Variants in MSH5 observed in about 807,000 individuals in gnomAD.
MSH5 encodes mutS protein homolog 5.
In MSH5, 78 loss-of-function variants were observed where a neutral mutation model predicts 107.7. The ratio of observed to expected loss-of-function variants is 0.72; its 90% CI spans 0.60 to 0.87. MSH5 has a LOEUF of 0.87. MSH5 is among the 40% of genes least tolerant of loss of function. The pLI is 0.00. For synonymous variants in MSH5, 326 were observed against 399.5 expected, an observed-to-expected ratio of 0.82 and a Z score of 2.19; for missense variants, 889 against 1,046.6, an observed-to-expected ratio of 0.85 and a Z score of 2.08.
intron 10 of MSH5, among the ~76,000 whole-genome samples, chr6:31,750,306 C>T (rs1043524644): frequency 1.3e-5 from 2 of 152,106 alleles, no homozygotes; most frequent in Admixed American, 6.5e-5. Context: ...TGGTGGCTCA[C>T]GCCTATAATC....
chr6:31,761,431 G>A lies in MSH5; in HGVS notation c.2038-41G>A, dbSNP rs1347070174. On this transcript the variant is annotated intron_variant, in intron 21 of 24. Transcript: ENST00000375750. This position sits in a 1 kb window ranked among gnomAD's most constrained non-coding sequence, Gnocchi z 5.3. ...GTGCAAGTGCAGAGGGGCATATGGG[G>A]TCCCCATGGCTCCGAATGCTAACCT... The A allele has an allele frequency of 6.8e-6, 11 of 1,610,844 alleles. No individual in the cohort carries two copies. Among genetic ancestry groups the A allele is most frequent in the Non-Finnish European group, 8.5e-6 (10 of 1,179,122 alleles).
intron 12 of MSH5, among the ~76,000 whole-genome samples, chr6:31,754,765 T>C (rs1401083601): frequency 6.6e-6 from 1 of 150,444 alleles, no homozygotes; most frequent in Non-Finnish European, 1.5e-5. Flanking sequence ...TTTTTTTTTT[T>C]TTTTTGAGAT....
intron 12 of MSH5, chr6:31,756,909 G>T (rs1810489982): frequency 6.6e-6 from 1 of 152,066 alleles, no homozygotes; most frequent in Non-Finnish European, 1.5e-5. Context: ...AAAGTGCTGG[G>T]ATTACAGGTG....
intron 9 of MSH5, 42 bp from the exon 10 acceptor site, chr6:31,747,345 C>G (rs771955240): frequency 6.2e-7 from 1 of 1,605,928 alleles, no homozygotes; most frequent in Non-Finnish European, 8.5e-7. Flanking sequence ...ATTCCCTGTC[C>G]CTGCCTTGTA....
At position 31,759,601 on chromosome 6, in the gene MSH5, G is replaced by C. The variant is rs370439461; in HGVS notation, c.1495+89G>C. ...GGAGGGGAGTGGGCAACTTGGGGATGCTTCCAACAGGCCCCTCCTCTTCCT... is the reference window on the plus strand; with the variant it reads ...GGAGGGGAGTGGGCAACTTGGGGATCCTTCCAACAGGCCCCTCCTCTTCCT... On this transcript the variant is annotated intron_variant, in intron 17 of 24. Coordinates refer to ENST00000375750, the MANE Select transcript of MSH5 (RefSeq NM_172166.4). This position sits in a 1 kb window ranked among gnomAD's most constrained non-coding sequence, Gnocchi z 4.7. The C allele has an allele frequency of 7.0e-6, 10 of 1,424,804 alleles. No homozygotes were observed. Among genetic ancestry groups the C allele is most frequent in the Non-Finnish European group, 8.8e-6 (9 of 1,022,764 alleles). 88.3% of individuals were successfully genotyped at this position (1,424,804 alleles called of 1,614,324 possible).
At position 31,762,588 on chromosome 6, in the gene MSH5, CTTTGTTTCCTTATCTCCCTCAGA is replaced by C; in HGVS notation, c.*58_*80del. On this transcript the variant is annotated 3_prime_UTR_variant, in exon 25 of 25. Coordinates refer to ENST00000375750, the MANE Select transcript of MSH5 (RefSeq NM_172166.4). The stretch of plus-strand genomic sequence containing the variant: ...AGACTCCGGTGGGCTGCCATGCCCT[CTTTGTTTCCTTATCTCCCTCAGA>C]CGCAGAGTTTTTAGTTTCTCTAGAA... 9.4e-7 allele frequency: 1 copy of C among 1,062,026 alleles called. No individual in the cohort carries two copies. The highest frequency in any genetic ancestry group is 1.4e-6 in the Non-Finnish European group (1 of 695,760). The allele number at this position is 1,062,026 out of a possible 1,614,324, so 65.8% of individuals were successfully genotyped here.
Position 31,759,630 on chromosome 6 carries a change from C to G in MSH5, c.1495+118C>G, listed in dbSNP as rs760532423. 2 of 1,331,994 alleles carry G rather than the reference C, an allele frequency of 1.5e-6. No individual in the cohort carries two copies. Among genetic ancestry groups the G allele is most frequent in the Non-Finnish European group, 2.1e-6 (2 of 950,118 alleles). The allele number at this position is 1,331,994 out of a possible 1,614,324, so 82.5% of individuals were successfully genotyped here. A position where few individuals can be genotyped will look rare whatever the true frequency, so the allele number is the denominator to read the frequency against. On this transcript the variant is annotated intron_variant, in intron 17 of 24. Transcript: ENST00000375750. The surrounding 1 kb of genome is among the most constrained non-coding windows in gnomAD (Gnocchi z 4.7). ...CCAACAGGCCCCTCCTCTTCCTGCTCTCTGTCTCGCTCACTCTGACTCTAT... is the reference window on the plus strand; with the variant it reads ...CCAACAGGCCCCTCCTCTTCCTGCTGTCTGTCTCGCTCACTCTGACTCTAT...
At chr6:31,756,784 G>A (rs541079432) in intron 12 of MSH5, 34 of 152,114 alleles carry the variant, frequency 2.2e-4, no homozygotes, top group African/African-American at 8.2e-4. Context: ...GGGACTATAG[G>A]CGTGTGCCAC....
In MSH5 at chr6:31,744,163, C is replaced by A. The variant is rs374128866; in HGVS notation, c.538-27C>A. 23 of 1,600,120 alleles carry A rather than the reference C, an allele frequency of 1.4e-5. No individual in the cohort carries two copies. The Middle Eastern group carries it at 5.0e-4, about 35-fold the overall frequency. On this transcript the variant is annotated intron_variant, in intron 6 of 24. Coordinates refer to ENST00000375750, the MANE Select transcript of MSH5 (RefSeq NM_172166.4). ...GCCCCCAGGAGATTTAAGATTTACCCCGATTCCACTGCTGATCCCCTCCCA... is the reference window on the plus strand; with the variant it reads ...GCCCCCAGGAGATTTAAGATTTACCACGATTCCACTGCTGATCCCCTCCCA...
At chr6:31,745,112 A>G in intron 8 of MSH5, 125 bp from the exon 9 acceptor site, 1 of 601,842 alleles carries the variant, frequency 1.7e-6, no homozygotes, top group Admixed American at 3.1e-5. Flanking sequence ...TCAAAAAAAA[A>G]AAAAAAAAAA....
In MSH5 at chr6:31,753,292, C is replaced by T; in HGVS notation, c.813-9C>T. 1.3e-6 allele frequency: 2 copies of T among 1,590,152 alleles called. No individual in the cohort carries two copies. The highest frequency in any genetic ancestry group is 8.6e-7 in the Non-Finnish European group (1 of 1,161,822). ...CTTGTAGTACCCCCACCCAAACCCT[C>T]ACTTCCAGGCTATGGTTCACACGTC... On this transcript the variant is annotated splice_polypyrimidine_tract_variant and intron_variant, in intron 10 of 24. Coordinates refer to ENST00000375750, the MANE Select transcript of MSH5 (RefSeq NM_172166.4).
Position 31,744,531 on chromosome 6 carries a change from G to C in MSH5, c.648-15G>C, listed in dbSNP as rs1364693549. On this transcript the variant is annotated splice_polypyrimidine_tract_variant and intron_variant, in intron 7 of 24. Coordinates refer to ENST00000375750, the MANE Select transcript of MSH5 (RefSeq NM_172166.4). ...AACTCAGACTGCTTCCTGCTTTTTT[G>C]TTTTCTGTCCTCAGGACTCATCTGG... The C allele has an allele frequency of 2.5e-6, 4 of 1,612,976 alleles. No homozygotes were observed. The highest frequency in any genetic ancestry group is 1.7e-6 in the Non-Finnish European group (2 of 1,179,842).
intron 8 of MSH5, 37 bp from the exon 9 acceptor site, chr6:31,745,200 C>A: frequency 1.5e-6 from 2 of 1,356,774 alleles, no homozygotes; most frequent in Non-Finnish European, 2.1e-6. Flanking sequence ...CTTCAAAAGT[C>A]CAAGTTACCC....
intron 8 of MSH5, 109 bp downstream of exon 8, chr6:31,744,690 A>G: frequency 1.6e-6 from 2 of 1,221,600 alleles, no homozygotes. Flanking sequence ...GGCTATTAAG[A>G]TCTCTCTCCT....
In MSH5 at chr6:31,742,968, G is replaced by C. The variant is rs369334974; in HGVS notation, c.352+11G>C. ...TTCTGGGAAAGCTTGGTAAGGACTT[G>C]GTAAAGGATAGAGGGAAAATGGGGA... is the stretch of plus-strand genomic sequence containing the variant. On this transcript the variant is annotated intron_variant, in intron 4 of 24. Coordinates refer to ENST00000375750, the MANE Select transcript of MSH5 (RefSeq NM_172166.4). 4.2e-5 allele frequency: 67 copies of C among 1,612,748 alleles called. No homozygotes were observed. Among genetic ancestry groups the C allele is most frequent in the Non-Finnish European group, 5.6e-5 (66 of 1,179,940 alleles).
chr6:31,746,087 T>TGTGTGTGTGTGC (rs1350470934), intron 9 of MSH5: 15 of 147,500 alleles, frequency 1.0e-4, no homozygotes, highest in Non-Finnish European at 2.1e-4. Context: ...GTTTTGTGTG[T>TGTGTGTGTGTGC]GTGTGTGTGT....
At position 31,742,971 on chromosome 6, in the gene MSH5, A is replaced by G; in HGVS notation, c.352+14A>G. On this transcript the variant is annotated intron_variant, in intron 4 of 24. Coordinates refer to ENST00000375750, the MANE Select transcript of MSH5 (RefSeq NM_172166.4). Reference sequence around the variant, plus strand: ...TGGGAAAGCTTGGTAAGGACTTGGTAAAGGATAGAGGGAAAATGGGGAAGG... The same window carrying G: ...TGGGAAAGCTTGGTAAGGACTTGGTGAAGGATAGAGGGAAAATGGGGAAGG... 1 of 1,612,886 alleles carries G rather than the reference A, an allele frequency of 6.2e-7. No homozygotes were observed. Among genetic ancestry groups the G allele is most frequent in the Non-Finnish European group, 8.5e-7 (1 of 1,179,896 alleles).
intron 11 of MSH5, 23 bp from the exon 12 acceptor site, chr6:31,753,544 G>A: frequency 6.2e-7 from 1 of 1,614,082 alleles, no homozygotes; most frequent in Non-Finnish European, 8.5e-7. Flanking sequence ...GAAAACAGCG[G>A]CTGTAACCTT....
rs1202856417 is a variant in MSH5, at chr6:31,762,172, A to G, written c.2380A>G (p.Asn794Asp). Residue 794 changes from asparagine to aspartate, a missense_variant, in exon 24 of 25, where the codon AAC (asparagine) becomes GAC (aspartate). Coordinates refer to ENST00000375750, the MANE Select transcript of MSH5 (RefSeq NM_172166.4). ...IKPVKDLLKK[N>D]QMENCQTLVD... ...GCCTGTCAAGGATTTGCTAAAGAAG[A>G]ACCAAATGGAAAAGTGCGTATATGG... is the stretch of plus-strand genomic sequence containing the variant. 4.3e-6 allele frequency: 7 copies of G among 1,614,082 alleles called. No individual in the cohort carries two copies. The highest frequency in any genetic ancestry group is 5.9e-6 in the Non-Finnish European group (7 of 1,180,038).
Sources: allele counts gnomAD v4.1 joint callset (sites outside exome capture counted in the v4.1 genomes callset), GRCh38; gene constraint gnomAD v4.1.1; non-coding constraint Gnocchi (gnomAD v3.1); transcripts MANE v1.5; gene names NCBI Gene and HGNC (gene_info 2026-07-23, HGNC 2026-07-21).